BCL2L13: variants seen among roughly 807,000 people sequenced by gnomAD.
BCL2L13 encodes the protein BCL2 like 13, also known as bcl-2-like protein 13.
A neutral mutation model predicts 25.8 loss-of-function variants in BCL2L13; 13 were observed. The observed-to-expected ratio is 0.50, with a 90% confidence interval of 0.33 to 0.80. The LOEUF is 0.80. BCL2L13 is among the 30% of genes least tolerant of loss of function. BCL2L13 has a pLI of 0.02. For synonymous variants in BCL2L13, 244 were observed against 230.3 expected, an observed-to-expected ratio of 1.06 and a Z score of -0.54; for missense variants, 504 against 574.9, an observed-to-expected ratio of 0.88 and a Z score of 1.26.
Position 17,655,740 on chromosome 22 carries a change from G to T in BCL2L13, c.29G>T (p.Gly10Val), listed in dbSNP as rs761067534. MASSSTVPL[G>V]FHYETKYVVL... The stretch of plus-strand genomic sequence containing the variant: ...GCGTCCTCTTCTACTGTGCCTCTGG[G>T]ATTTCACTATGAAACAAAGTATGTT... The change falls in exon 2 of 7, where the codon GGA becomes GTA. Residue 10 changes from glycine (G) to valine (V), a missense_variant. Transcript: ENST00000317582. 5 of 1,613,316 alleles carry T rather than the reference G, an allele frequency of 3.1e-6. No homozygotes were observed. The highest frequency in any genetic ancestry group is 1.7e-5 in the Admixed American group (1 of 59,940).
intron 2 of BCL2L13, among the ~76,000 whole-genome samples, chr22:17,671,602 T>C (rs920296297): frequency 6.6e-6 from 1 of 151,820 alleles, no homozygotes; most frequent in African/African-American, 2.4e-5. Context: ...TATTTATTTA[T>C]TTTTTTTGTA....
chr22:17,720,634 G>A (rs1052762456), intron 6 of BCL2L13, among the ~76,000 whole-genome samples: 10 of 151,118 alleles, frequency 6.6e-5, no homozygotes, highest in Non-Finnish European at 1.3e-4. Context: ...CAAAGTGCTG[G>A]GATTACAGGC....
At chr22:17,647,242 G>T (rs907782841) in intron 1 of BCL2L13, among the ~76,000 whole-genome samples, 4 of 150,584 alleles carry the variant, frequency 2.7e-5, no homozygotes, top group Non-Finnish European at 5.9e-5. Context: ...CCAAAGTTCT[G>T]GGGTTACAGG....
intron 1 of BCL2L13, among the ~76,000 whole-genome samples, chr22:17,639,827 AG>A (rs1436756504): frequency 6.6e-6 from 1 of 151,236 alleles, no homozygotes; most frequent in African/African-American, 2.4e-5. Context: ...ACCTTGGATG[AG>A]TTGCCACACC....
At chr22:17,724,075 C>A (rs1455954245) in intron 6 of BCL2L13, among the ~76,000 whole-genome samples, 1 of 152,082 alleles carries the variant, frequency 6.6e-6, no homozygotes, top group Admixed American at 6.5e-5. Flanking sequence ...GAGTTTGAGA[C>A]CAGCCTGGGC....
intron 5 of BCL2L13, among the ~76,000 whole-genome samples, chr22:17,697,939 C>T (rs1249478171): frequency 2.0e-5 from 3 of 152,052 alleles, no homozygotes; most frequent in Non-Finnish European, 4.4e-5. Context: ...AGCGATTCTC[C>T]CAAATAGCTG....
intron 6 of BCL2L13, among the ~76,000 whole-genome samples, chr22:17,705,043 C>T (rs559386659): frequency 1.3e-5 from 2 of 149,464 alleles, no homozygotes; most frequent in African/African-American, 2.5e-5. Context: ...TTAGGGGGCA[C>T]ATTTTGCTGT....
chr22:17,681,970 A>G (rs1168428775), intron 2 of BCL2L13, among the ~76,000 whole-genome samples: 1 of 152,182 alleles, frequency 6.6e-6, no homozygotes, highest in Middle Eastern at 3.2e-3. Flanking sequence ...ACACATACAT[A>G]CATACGTACG....
upstream of BCL2L13, among the ~76,000 whole-genome samples, chr22:17,634,574 G>A: frequency 6.6e-6 from 1 of 152,108 alleles, no homozygotes; most frequent in East Asian, 1.9e-4. Flanking sequence ...TTCACAAGAG[G>A]GACCGCGTCT....
At chr22:17,709,577 C>T (rs1303454571) in intron 6 of BCL2L13, among the ~76,000 whole-genome samples, 1 of 151,814 alleles carries the variant, frequency 6.6e-6, no homozygotes, top group African/African-American at 2.4e-5. Context: ...CCTGGGTGAA[C>T]AGAGAGAGAC....
intron 4 of BCL2L13, among the ~76,000 whole-genome samples, chr22:17,691,294 A>G (rs893495844): frequency 1.3e-5 from 2 of 152,216 alleles, no homozygotes; most frequent in Non-Finnish European, 2.9e-5. Context: ...ACAAAAATGT[A>G]AAAGTTATCT....
rs1349822157 is a variant in BCL2L13, at chr22:17,729,673, G to A, written c.*2139G>A. 1 of 152,214 alleles carries A rather than the reference G, an allele frequency of 6.6e-6. No homozygotes were observed. The highest frequency in any genetic ancestry group is 1.5e-5 in the Non-Finnish European group (1 of 68,058). The allele number at this position is 152,214 out of a possible 1,614,324, so 9.4% of individuals were successfully genotyped here. A position where few individuals can be genotyped will look rare whatever the true frequency, so the allele number is the denominator to read the frequency against. ...TGTTGCCCACGAAAGGAAAGAATAA[G>A]GAAGAAATGTGGTATGGAAGCGGCT... On this transcript the variant is annotated 3_prime_UTR_variant, in exon 7 of 7. Transcript: ENST00000317582.
chr22:17,648,019 G>A (rs184661224), intron 1 of BCL2L13, among the ~76,000 whole-genome samples: 243 of 151,970 alleles, frequency 1.6e-3, no homozygotes, highest in Non-Finnish European at 2.9e-3. Flanking sequence ...AGTCCGAGCT[G>A]CTTGGGAGGC....
At chr22:17,675,532 G>A (rs992246060) in intron 2 of BCL2L13, among the ~76,000 whole-genome samples, 7 of 152,180 alleles carry the variant, frequency 4.6e-5, no homozygotes, top group Non-Finnish European at 8.8e-5. Context: ...TTCTGTCATT[G>A]AAGTATGTTT....
At chr22:17,636,256 T>C (rs1314970339), upstream of BCL2L13, among the ~76,000 whole-genome samples, 1 of 148,070 alleles carries the variant, frequency 6.8e-6, no homozygotes, top group Non-Finnish European at 1.5e-5. Context: ...CCCAGGAGGC[T>C]GAGGTTGCAG....
At chr22:17,650,812 A>G (rs946183515) in intron 1 of BCL2L13, among the ~76,000 whole-genome samples, 2 of 150,404 alleles carry the variant, frequency 1.3e-5, no homozygotes, top group African/African-American at 2.5e-5. Context: ...GGCTCAAGCT[A>G]TCCTCCCATC....
intron 2 of BCL2L13, among the ~76,000 whole-genome samples, chr22:17,678,373 T>C (rs975327110): frequency 6.6e-6 from 1 of 152,060 alleles, no homozygotes; most frequent in Admixed American, 6.6e-5. Flanking sequence ...GAAGACAGTA[T>C]CACCGATATA....
In BCL2L13 at chr22:17,655,661, G is replaced by A. The variant is rs756646458; in HGVS notation, c.-50-1G>A. 6.4e-7 allele frequency: 1 copy of A among 1,561,594 alleles called. No individual in the cohort carries two copies. On this transcript the variant is annotated splice_acceptor_variant, in intron 1 of 6. Transcript: ENST00000317582. LOFTEE classifies it low-confidence loss of function (5UTR_SPLICE). ...TGAAAAAATTACTTTTTTGTTCTTA[G>A]GTTTTACACATCCATAAGTAGACCT...
rs950628258 is a variant in BCL2L13 at position 17,717,362 on chromosome 22, C to T, written c.601-9315C>T. Among the ~76,000 whole-genome samples the T allele has an allele frequency of 5.9e-5, 6 of 101,524 alleles. 1 individual carries two copies. The highest frequency in any genetic ancestry group is 1.6e-4 in the Admixed American group (2 of 12,172). The allele number at this position is 101,524 out of a possible 152,430, so 66.6% of individuals were successfully genotyped here. ...TGTGGTGGCAGGCAGCCTGGGGCAA[C>T]AGAGTGAGACTCTGTCTCAAAAAAG... is the stretch of plus-strand genomic sequence containing the variant. On this transcript the variant is annotated intron_variant, in intron 6 of 6. Coordinates refer to ENST00000317582, the MANE Select transcript of BCL2L13 (RefSeq NM_015367.4).
Sources: gnomAD v4.1 joint callset for allele counts (sites outside exome capture counted in the v4.1 genomes callset) on GRCh38, gnomAD v4.1.1 for gene constraint, MANE v1.5 for transcripts, NCBI Gene and HGNC (gene_info 2026-07-23, HGNC 2026-07-21) for gene names.